Variants in C1orf141 observed in about 807,000 individuals in gnomAD.
C1orf141 encodes uncharacterized protein C1orf141.
Under a neutral mutation model 23.2 loss-of-function variants are expected in C1orf141, and 19 were observed. The observed-to-expected ratio is 0.82, with a 90% confidence interval of 0.57 to 1.20. C1orf141 has a LOEUF of 1.20. C1orf141 is among the 50% of genes most tolerant of loss of function. The pLI, the probability that C1orf141 is intolerant of heterozygous loss-of-function variation, is 0.00. For synonymous variants in C1orf141, 153 were observed against 154.6 expected (o/e 0.99, Z 0.08); for missense variants, 469 against 455.1 (o/e 1.03, Z -0.28).
chr1:67,102,230 A>C (rs770250647), intron 5 of C1orf141, among the ~76,000 whole-genome samples: 16 of 152,178 alleles, frequency 1.1e-4, no homozygotes, highest in Admixed American at 2.0e-4. Flanking sequence ...TACAAAATAC[A>C]GAAATACTAC....
At chr1:67,116,816 C>T (rs1406274268) in intron 4 of C1orf141, among the ~76,000 whole-genome samples, 1 of 152,152 alleles carries the variant, frequency 6.6e-6, no homozygotes, top group East Asian at 1.9e-4. Context: ...GTTGACGTGG[C>T]CTACTCTTTC....
At chr1:67,104,015 A>T (rs570203892) in intron 5 of C1orf141, among the ~76,000 whole-genome samples, 24 of 152,322 alleles carry the variant, frequency 1.6e-4, no homozygotes, top group African/African-American at 4.3e-4. Flanking sequence ...CACTAGGCAC[A>T]GAATATATTT....
chr1:67,137,249 T>G (rs575710402), upstream of C1orf141, among the ~76,000 whole-genome samples: 426 of 152,236 alleles, frequency 2.8e-3, 4 homozygotes, highest in African/African-American at 9.7e-3. Flanking sequence ...GTATTTAGGG[T>G]TATAGTTTAT....
At chr1:67,106,766 A>G (rs1457627995) in intron 5 of C1orf141, among the ~76,000 whole-genome samples, 1 of 152,214 alleles carries the variant, frequency 6.6e-6, no homozygotes, top group Non-Finnish European at 1.5e-5. Flanking sequence ...TACCGGAGAA[A>G]CAGAAACTAT....
upstream of C1orf141, among the ~76,000 whole-genome samples, chr1:67,137,179 A>G (rs1646592980): frequency 6.6e-6 from 1 of 152,224 alleles, no homozygotes; most frequent in South Asian, 2.1e-4. Context: ...AAAACCCTGA[A>G]TAGAACCCTC....
Position 67,095,257 on chromosome 1 carries a change from G to C in C1orf141, c.581C>G (p.Thr194Arg). Reference protein sequence around the residue: ...PHAKIVNVSPTKTVTSHMEQK... With the variant: ...PHAKIVNVSPRKTVTSHMEQK... ...TACCATGTGAGAAGTTACTGTCTTT[G>C]TTGGACTAACGTTGACTATCTTGGC... The change falls in exon 7 of 8, where the codon ACA (threonine) becomes AGA (arginine). Residue 194 changes from threonine (T) to arginine (R), a missense_variant. Transcript: ENST00000684719. 1 of 1,586,870 alleles carries C rather than the reference G, an allele frequency of 6.3e-7. No homozygotes were observed. The highest frequency in any genetic ancestry group is 1.4e-5 in the African/African-American group (1 of 73,512).
chr1:67,137,539 C>T (rs954385297), upstream of C1orf141, among the ~76,000 whole-genome samples: 2 of 152,106 alleles, frequency 1.3e-5, no homozygotes, highest in African/African-American at 4.8e-5. Flanking sequence ...TGATGGATAC[C>T]ACGTGACCCA....
intron 5 of C1orf141, chr1:67,103,160 A>C (rs1645842906): frequency 1.4e-6 from 1 of 730,010 alleles, no homozygotes; most frequent in Non-Finnish European, 2.0e-6. Context: ...TTGGATAAAG[A>C]TTTTCTTAAT....
At chr1:67,105,234 G>A (rs1473293193) in intron 5 of C1orf141, among the ~76,000 whole-genome samples, 1 of 150,568 alleles carries the variant, frequency 6.6e-6, no homozygotes, top group African/African-American at 2.4e-5. Context: ...GCTGCGGCAG[G>A]AGAATTGCTG....
intron 5 of C1orf141, among the ~76,000 whole-genome samples, chr1:67,112,398 A>T (rs11807573): frequency 0.14 from 21,564 of 152,120 alleles, 1,620 homozygotes; most frequent in African/African-American, 0.17. Flanking sequence ...TGGAAAATAA[A>T]CAAACAAAAA....
chr1:67,135,938 G>A (rs1256585051), upstream of C1orf141, among the ~76,000 whole-genome samples: 2 of 131,514 alleles, frequency 1.5e-5, no homozygotes, highest in South Asian at 2.4e-4. Flanking sequence ...GTATAGTTAT[G>A]TAGCAATCCA....
chr1:67,133,782 G>A (rs1388935961), intron 1 of C1orf141, among the ~76,000 whole-genome samples: 2 of 152,140 alleles, frequency 1.3e-5, no homozygotes, highest in Admixed American at 1.3e-4. Flanking sequence ...CCCAAGCCAA[G>A]GAGCGAGGCC....
In C1orf141 at chr1:67,092,363, C is replaced by G. The variant is rs1460192877; in HGVS notation, c.*642G>C. 3 of 152,024 alleles carry G rather than the reference C, an allele frequency of 2.0e-5. No homozygotes were observed. In the East Asian group the frequency reaches 5.7e-4, roughly 29 times the overall value. 9.4% of individuals were successfully genotyped at this position (152,024 alleles called of 1,614,324 possible). ...ATAATATACCTTAAAATGTTTAATACCTTATAGGATTTGCTACCAAAATTA... is the reference window on the plus strand; with the variant it reads ...ATAATATACCTTAAAATGTTTAATAGCTTATAGGATTTGCTACCAAAATTA... On this transcript the variant is annotated 3_prime_UTR_variant, in exon 8 of 8. Transcript: ENST00000684719.
intron 4 of C1orf141, among the ~76,000 whole-genome samples, chr1:67,124,671 C>T (rs1435362858): frequency 6.6e-6 from 1 of 152,074 alleles, no homozygotes; most frequent in African/African-American, 2.4e-5. Context: ...GTCATAGCTG[C>T]TGCCTGTCTA....
intron 5 of C1orf141, among the ~76,000 whole-genome samples, chr1:67,105,762 G>T (rs2102440827): frequency 1.3e-5 from 2 of 152,332 alleles, no homozygotes; most frequent in South Asian, 4.1e-4. Context: ...TAACTGACTT[G>T]CATGGGGTGG....
chr1:67,134,066 C>A (rs570944003), intron 1 of C1orf141, among the ~76,000 whole-genome samples: 7 of 152,276 alleles, frequency 4.6e-5, no homozygotes, highest in East Asian at 1.9e-4. Flanking sequence ...GCAGTGGCTG[C>A]GATCTCAGCT....
upstream of C1orf141, among the ~76,000 whole-genome samples, chr1:67,138,291 CTCTTAT>C (rs1646603040): frequency 6.6e-6 from 1 of 152,214 alleles, no homozygotes; most frequent in Non-Finnish European, 1.5e-5. Context: ...CCCATTACTT[CTCTTAT>C]TCTAGATAAT....
intron 4 of C1orf141, 67 bp downstream of exon 4, chr1:67,125,685 G>A (rs1399948975): frequency 2.8e-6 from 4 of 1,445,422 alleles, no homozygotes; most frequent in Non-Finnish European, 3.9e-6. Flanking sequence ...GGCAATGAGT[G>A]AGTCCTTGTT....
intron 5 of C1orf141, 137 bp from the exon 6 acceptor site, chr1:67,096,458 C>T: frequency 1.9e-6 from 1 of 535,808 alleles, no homozygotes. Context: ...AGTAGCTACC[C>T]AGTAAATATT....
Sources: gnomAD v4.1 joint callset for allele counts (sites outside exome capture counted in the v4.1 genomes callset) on GRCh38, gnomAD v4.1.1 for gene constraint, MANE v1.5 for transcripts, NCBI Gene and HGNC (gene_info 2026-07-23, HGNC 2026-07-21) for gene names.